The following PDE6C variants were observed in gnomAD, a reference collection of about 807,000 sequenced individuals.
The protein encoded by PDE6C is cone cGMP-specific 3',5'-cyclic phosphodiesterase subunit alpha'.
PDE6C carries 75 observed loss-of-function variants against 113.1 expected under a neutral mutation model. The ratio of observed to expected loss-of-function variants is 0.66; its 90% CI spans 0.55 to 0.80. The LOEUF is 0.80. Among genes scored for constraint, PDE6C ranks in the 30% least tolerant of loss-of-function variants. The pLI is 0.00. For synonymous variants in PDE6C, 375 were observed against 363.7 expected, an observed-to-expected ratio of 1.03 and a Z score of -0.35; for missense variants, 912 against 1,038.6, an observed-to-expected ratio of 0.88 and a Z score of 1.67.
intron 14 of PDE6C, among the ~76,000 whole-genome samples, chr10:93,645,534 AG>A (rs962011099): frequency 2.6e-5 from 4 of 152,318 alleles, no homozygotes; most frequent in Admixed American, 6.5e-5. Context: ...ATAAATGGGA[AG>A]GAACAGGGAG....
intron 1 of PDE6C, among the ~76,000 whole-genome samples, chr10:93,616,198 G>A (rs2058418697): frequency 6.6e-6 from 1 of 152,204 alleles, no homozygotes; most frequent in Non-Finnish European, 1.5e-5. Flanking sequence ...CAGATCTGGG[G>A]CAATAACTCA....
chr10:93,613,466 T>C (rs1408710682), intron 1 of PDE6C, among the ~76,000 whole-genome samples: 1 of 152,200 alleles, frequency 6.6e-6, no homozygotes, highest in Non-Finnish European at 1.5e-5. Context: ...AAGTTTGGCA[T>C]TTTATCAGGT....
chr10:93,620,804 T>A lies in PDE6C; in HGVS notation c.633+20T>A, dbSNP rs760499577. ...GAAGAGGTAATGCTAACCCTGGGCATCTGGTTGGAGGCTCAGGAAATTTAT... is the reference window on the plus strand; with the variant it reads ...GAAGAGGTAATGCTAACCCTGGGCAACTGGTTGGAGGCTCAGGAAATTTAT... On this transcript the variant is annotated intron_variant, in intron 2 of 21. Coordinates refer to ENST00000371447, the MANE Select transcript of PDE6C (RefSeq NM_006204.4). 5.0e-6 allele frequency: 8 copies of A among 1,614,116 alleles called. No individual in the cohort carries two copies. Among genetic ancestry groups the A allele is most frequent in the Non-Finnish European group, 6.8e-6 (8 of 1,179,986 alleles).
intron 18 of PDE6C, among the ~76,000 whole-genome samples, chr10:93,661,496 G>T (rs1003276099): frequency 2.0e-5 from 3 of 152,130 alleles, no homozygotes; most frequent in Non-Finnish European, 4.4e-5. Context: ...GTCTTCGCTA[G>T]ACTCTGAACA....
At chr10:93,629,786 G>A (rs553334884) in intron 8 of PDE6C, among the ~76,000 whole-genome samples, 4 of 152,170 alleles carry the variant, frequency 2.6e-5, no homozygotes, top group African/African-American at 7.2e-5. Flanking sequence ...TGATCTGACA[G>A]GAGGTGGAGC....
At chr10:93,621,419 T>A (rs1367830094) in intron 3 of PDE6C, among the ~76,000 whole-genome samples, 1 of 152,216 alleles carries the variant, frequency 6.6e-6, no homozygotes, top group Non-Finnish European at 1.5e-5. Flanking sequence ...TATTAGTACC[T>A]AAGATACCTA....
intron 1 of PDE6C, among the ~76,000 whole-genome samples, chr10:93,616,160 C>T (rs1208448528): frequency 6.6e-6 from 1 of 152,206 alleles, no homozygotes; most frequent in Non-Finnish European, 1.5e-5. Flanking sequence ...TAGTAGGAAT[C>T]GTTCAAAGTT....
chr10:93,630,606 G>T (rs1017418256), intron 8 of PDE6C, among the ~76,000 whole-genome samples: 3 of 151,998 alleles, frequency 2.0e-5, no homozygotes, highest in Non-Finnish European at 4.4e-5. Flanking sequence ...TTAGAGCCCT[G>T]ATCTCAGTCA....
intron 12 of PDE6C, 105 bp downstream of exon 12, chr10:93,640,321 T>G: frequency 7.5e-7 from 1 of 1,332,202 alleles, no homozygotes; most frequent in South Asian, 1.2e-5. Flanking sequence ...TAAATTATTA[T>G]TAACTTTCTA....
At chr10:93,621,477 C>T (rs915107641) in intron 3 of PDE6C, among the ~76,000 whole-genome samples, 22 of 152,154 alleles carry the variant, frequency 1.4e-4, no homozygotes, top group African/African-American at 4.3e-4. Context: ...GTACAATGCA[C>T]GAGTAGAGGT....
At chr10:93,621,528 G>T (rs1448405187) in intron 3 of PDE6C, among the ~76,000 whole-genome samples, 1 of 152,132 alleles carries the variant, frequency 6.6e-6, no homozygotes, top group Non-Finnish European at 1.5e-5. Context: ...TCCAGGTAAG[G>T]TTACCTCTGA....
At chr10:93,654,819 T>TTC in intron 15 of PDE6C, among the ~76,000 whole-genome samples, 2 of 144,112 alleles carry the variant, frequency 1.4e-5, no homozygotes, top group African/African-American at 5.2e-5. Context: ...TCTTTTTTTT[T>TTC]TTTTTTGAAA....
intron 21 of PDE6C, 58 bp downstream of exon 21, chr10:93,663,236 A>G: frequency 6.5e-7 from 1 of 1,533,910 alleles, no homozygotes; most frequent in Non-Finnish European, 9.0e-7. Flanking sequence ...GCTGAGCTTA[A>G]TGGCATGTGA....
chr10:93,612,758 A>T lies in PDE6C; in HGVS notation c.33A>T (p.Lys11Asn), dbSNP rs951947945. 9 of 1,614,136 alleles carry T rather than the reference A, an allele frequency of 5.6e-6. No individual in the cohort carries two copies. The highest frequency in any genetic ancestry group is 7.6e-6 in the Non-Finnish European group (9 of 1,180,048). Residue 11 changes from lysine to asparagine, a missense_variant, in exon 1 of 22, where the codon AAA becomes AAT. Physicochemically the swap from Lys to Asn is moderately conservative, Grantham distance 94. Transcript: ENST00000371447. MGEINQVAVE[K>N]YLEENPQFAK... ...AGATCAACCAAGTTGCCGTGGAGAA[A>T]TACCTGGAGGAGAACCCTCAGTTTG... is the stretch of plus-strand genomic sequence containing the variant.
intron 13 of PDE6C, 89 bp from the exon 14 acceptor site, chr10:93,640,831 G>C: frequency 1.2e-6 from 1 of 851,720 alleles, no homozygotes. Flanking sequence ...AAACCTAGTG[G>C]GCCTATTCTC....
intron 7 of PDE6C, among the ~76,000 whole-genome samples, chr10:93,627,543 G>A (rs72822864): frequency 0.21 from 31,835 of 152,096 alleles, 3,830 homozygotes; most frequent in East Asian, 0.36. Context: ...ATGGGGGATG[G>A]GGTGGGGATG....
In PDE6C at chr10:93,622,288, G is replaced by GTT. The variant is rs57224307; in HGVS notation, c.864+225_864+226dup. Among the ~76,000 whole-genome samples, 30 of 149,122 alleles carry GTT rather than the reference G, an allele frequency of 2.0e-4. 1 individual carries two copies. The highest frequency in any genetic ancestry group is 8.5e-4 in the South Asian group (4 of 4,718). ...AGTAATATGGGTTTTCAGCAAGTCTGTTTTTTTTTTACATTAATTAATAGA... is the reference window on the plus strand; with the variant it reads ...AGTAATATGGGTTTTCAGCAAGTCTGTTTTTTTTTTTTACATTAATTAATAGA... On this transcript the variant is annotated intron_variant, in intron 4 of 21. Transcript: ENST00000371447.
At chr10:93,635,777 T>C in intron 10 of PDE6C, 137 bp downstream of exon 10, 2 of 920,212 alleles carry the variant, frequency 2.2e-6, no homozygotes, top group South Asian at 1.4e-5. Flanking sequence ...GAAGGAGGGG[T>C]TGGAAGAAGA....
chr10:93,634,542 G>A (rs1046076827), intron 8 of PDE6C, among the ~76,000 whole-genome samples: 8 of 152,160 alleles, frequency 5.3e-5, no homozygotes, highest in South Asian at 2.1e-4. Flanking sequence ...GCTCTGGATC[G>A]TACAATGTCT....
Sources: gnomAD v4.1 joint callset for allele counts (sites outside exome capture counted in the v4.1 genomes callset) on GRCh38, gnomAD v4.1.1 for gene constraint, MANE v1.5 for transcripts, NCBI Gene and HGNC (gene_info 2026-07-23, HGNC 2026-07-21) for gene names.